Variants in SLC14A2 observed in about 807,000 individuals in gnomAD.
SLC14A2 encodes urea transporter 2.
Under a neutral mutation model 104.6 loss-of-function variants are expected in SLC14A2, and 91 were observed. That is an observed-to-expected ratio of 0.87 (90% CI 0.73 to 1.04). The LOEUF is 1.04. SLC14A2 is among the 50% of genes least tolerant of loss of function. The probability of loss-of-function intolerance (pLI) is 0.00; values close to 1 mark genes in which losing one functional copy is unlikely to be tolerated. For synonymous variants in SLC14A2, 476 were observed against 466.4 expected, an observed-to-expected ratio of 1.02 and a Z score of -0.27; for missense variants, 1,189 against 1,156.0, an observed-to-expected ratio of 1.03 and a Z score of -0.41.
At chr18:45,449,318 T>G (rs1490881830) in intron 1 of SLC14A2, among the ~76,000 whole-genome samples, 2 of 152,166 alleles carry the variant, frequency 1.3e-5, no homozygotes, top group African/African-American at 4.8e-5. Context: ...AAATCCCACT[T>G]CTTCACCTAT....
chr18:45,592,983 A>G (rs544373829), intron 2 of SLC14A2, among the ~76,000 whole-genome samples: 1 of 152,342 alleles, frequency 6.6e-6, no homozygotes, highest in Non-Finnish European at 1.5e-5. Flanking sequence ...GTTGTCAAAC[A>G]ACTAAAGATC....
At chr18:45,182,107 G>T in the SLC14A2 span, among the ~76,000 whole-genome samples, 1 of 151,984 alleles carries the variant, frequency 6.6e-6, no homozygotes, top group Admixed American at 6.6e-5. Context: ...AGCCAAGTAA[G>T]TTTCAGAGGA....
intron 5 of SLC14A2, 41 bp downstream of exon 5, chr18:45,632,519 C>G: frequency 6.2e-7 from 1 of 1,604,836 alleles, no homozygotes; most frequent in Non-Finnish European, 8.5e-7. Context: ...TCCATGGGGC[C>G]CCCAAGACAC....
At chr18:45,205,950 G>A in the SLC14A2 span, among the ~76,000 whole-genome samples, 1 of 152,220 alleles carries the variant, frequency 6.6e-6, no homozygotes, top group Admixed American at 6.5e-5. Flanking sequence ...TAATGATTCA[G>A]TCCACCAGTT....
intron 2 of SLC14A2, among the ~76,000 whole-genome samples, chr18:45,598,996 T>C (rs2044752229): frequency 6.6e-6 from 1 of 152,194 alleles, no homozygotes; most frequent in Non-Finnish European, 1.5e-5. Flanking sequence ...TGCCGGTATA[T>C]GCAGCCACTG....
At chr18:45,409,115 A>C (rs2086187002) in intron 1 of SLC14A2, among the ~76,000 whole-genome samples, 1 of 152,168 alleles carries the variant, frequency 6.6e-6, no homozygotes, top group African/African-American at 2.4e-5. Flanking sequence ...AGAGCCCTGG[A>C]CTTGGACTGA....
intron 1 of SLC14A2, among the ~76,000 whole-genome samples, chr18:45,272,898 CA>C (rs1317385215): frequency 1.3e-5 from 2 of 152,018 alleles, no homozygotes; most frequent in African/African-American, 4.8e-5. Flanking sequence ...TGTGCACACA[CA>C]AAAATTTTTT....
rs146114866 is a variant in SLC14A2, at chr18:45,371,406, TAAC to T, written c.-124-111824_-124-111822del. 3.4e-3 allele frequency among the ~76,000 whole-genome samples: 519 copies of T among 152,330 alleles called. 4 individuals are homozygous for T. The highest frequency in any genetic ancestry group is 0.012 in the African/African-American group (500 of 41,560). ...CCCATACTATATTAATTTCCATTAATAACAATAATAATAAAAATAGCTGATATG... is the reference window on the plus strand; with the variant it reads ...CCCATACTATATTAATTTCCATTAATAATAATAATAAAAATAGCTGATATG... On this transcript the variant is annotated intron_variant, in intron 1 of 20. Coordinates refer to the SLC14A2 transcript ENST00000586448.
chr18:45,494,852 C>T (rs950329012), intron 2 of SLC14A2, among the ~76,000 whole-genome samples: 1 of 151,808 alleles, frequency 6.6e-6, no homozygotes, highest in African/African-American at 2.4e-5. Flanking sequence ...CCTTCCAGCC[C>T]GTTCTTGGTC....
chr18:45,363,625 A>G (rs1236573428), intron 1 of SLC14A2, among the ~76,000 whole-genome samples: 5 of 152,206 alleles, frequency 3.3e-5, no homozygotes, highest in Non-Finnish European at 7.3e-5. Flanking sequence ...AGGGCAGGAA[A>G]GTTTGCTGAA....
intron 1 of SLC14A2, among the ~76,000 whole-genome samples, chr18:45,444,763 G>A (rs760404582): frequency 9.2e-5 from 14 of 152,164 alleles, no homozygotes; most frequent in South Asian, 2.1e-4. Context: ...GTGGCGAGCC[G>A]CACAGGTAGG....
intron 1 of SLC14A2, among the ~76,000 whole-genome samples, chr18:45,257,560 G>A (rs1008109416): frequency 6.6e-6 from 1 of 152,164 alleles, no homozygotes; most frequent in African/African-American, 2.4e-5. Flanking sequence ...AAATATGCAA[G>A]TCATGAGTTT....
chr18:45,204,576 A>G, the SLC14A2 span, among the ~76,000 whole-genome samples: 1 of 152,220 alleles, frequency 6.6e-6, no homozygotes, highest in Admixed American at 6.5e-5. Flanking sequence ...TAACACTCTC[A>G]AGAGTAATGC....
intron 1 of SLC14A2, chr18:45,447,407 T>C (rs1265017450): frequency 6.6e-6 from 1 of 152,162 alleles, no homozygotes; most frequent in East Asian, 1.9e-4. Flanking sequence ...AACAATTCAG[T>C]GCACTACCAT....
intron 1 of SLC14A2, among the ~76,000 whole-genome samples, chr18:45,623,642 CCTTTTGAAGGGAA>C (rs2045212946): frequency 6.6e-6 from 1 of 152,114 alleles, no homozygotes; most frequent in Non-Finnish European, 1.5e-5. Flanking sequence ...GACTTTATCC[CCTTTTGAAGGGAA>C]TCCTGCAATC....
At chr18:45,247,392 G>A (rs2084377143) in intron 1 of SLC14A2, among the ~76,000 whole-genome samples, 1 of 152,212 alleles carries the variant, frequency 6.6e-6, no homozygotes, top group Non-Finnish European at 1.5e-5. Flanking sequence ...AATGGTGTGT[G>A]GCTTCCTTCA....
At chr18:45,654,139 G>GGT (rs989875420) in intron 10 of SLC14A2, among the ~76,000 whole-genome samples, 4 of 151,270 alleles carry the variant, frequency 2.6e-5, no homozygotes, top group Non-Finnish European at 5.9e-5. Flanking sequence ...AGGAATGCTG[G>GGT]GGGGGACGTG....
intron 1 of SLC14A2, among the ~76,000 whole-genome samples, chr18:45,457,161 T>G (rs998251465): frequency 6.6e-6 from 1 of 152,170 alleles, no homozygotes; most frequent in Admixed American, 6.5e-5. Context: ...TATACGAAGG[T>G]TTTTTTAATA....
intron 1 of SLC14A2, among the ~76,000 whole-genome samples, chr18:45,287,099 A>G (rs1012018761): frequency 1.3e-5 from 2 of 152,182 alleles, no homozygotes. Context: ...AACCCCACAG[A>G]GACTCAAAAG....
Sources: allele counts gnomAD v4.1 joint callset (sites outside exome capture counted in the v4.1 genomes callset), GRCh38; gene constraint gnomAD v4.1.1; transcripts MANE v1.5; gene names NCBI Gene and HGNC (gene_info 2026-07-23, HGNC 2026-07-21).